The following SHANK2 variants were observed in gnomAD, a reference collection of about 807,000 sequenced individuals.
SHANK2 encodes the protein SH3 and multiple ankyrin repeat domains protein 2.
SHANK2 carries 43 observed loss-of-function variants against 133.7 expected under a neutral mutation model. That is an observed-to-expected ratio of 0.32 (90% confidence interval 0.25 to 0.41). The LOEUF is 0.41. Among genes scored for constraint, SHANK2 ranks in the 10% least tolerant of loss-of-function variants. SHANK2 has a pLI of 1.00. For synonymous variants in SHANK2, 1,017 were observed against 952.8 expected, an observed-to-expected ratio of 1.07 and a Z score of -1.24; for missense variants, 1,994 against 2,235.8, an observed-to-expected ratio of 0.89 and a Z score of 2.18.
chr11:71,067,740 C>T (rs1158135369), intron 9 of SHANK2, among the ~76,000 whole-genome samples: 1 of 152,014 alleles, frequency 6.6e-6, no homozygotes, highest in African/African-American at 2.4e-5. Context: ...ATGAGACCAT[C>T]GTCACTATCA....
At chr11:70,687,593 G>T (rs1591750271) in intron 15 of SHANK2, among the ~76,000 whole-genome samples, 1 of 151,516 alleles carries the variant, frequency 6.6e-6, no homozygotes, top group Non-Finnish European at 1.5e-5. Context: ...ACAGTGTGGG[G>T]GTAGGGGGGT....
intron 6 of SHANK2, among the ~76,000 whole-genome samples, chr11:71,104,461 G>A (rs981681560): frequency 7.2e-5 from 11 of 152,166 alleles, no homozygotes; most frequent in East Asian, 1.9e-4. Flanking sequence ...ATGCGTATCC[G>A]TCCCTTATGC....
intron 17 of SHANK2, chr11:70,633,707 G>A (rs919996195): frequency 6.6e-6 from 1 of 152,212 alleles, no homozygotes; most frequent in African/African-American, 2.4e-5. Flanking sequence ...AGGCCCCTGG[G>A]TGACCAGCCG....
intron 6 of SHANK2, among the ~76,000 whole-genome samples, chr11:71,095,496 A>G (rs927640807): frequency 6.6e-6 from 1 of 152,172 alleles, no homozygotes; most frequent in Non-Finnish European, 1.5e-5. Flanking sequence ...CGTTCCAGAA[A>G]AGTGCACAGA....
chr11:70,937,140 G>A (rs1950582838), intron 10 of SHANK2, among the ~76,000 whole-genome samples: 1 of 152,214 alleles, frequency 6.6e-6, no homozygotes, highest in Non-Finnish European at 1.5e-5. Flanking sequence ...CTAAGACGCT[G>A]TGCAGGGACC....
chr11:71,185,158 A>G (rs1953645028), intron 2 of SHANK2, among the ~76,000 whole-genome samples: 1 of 152,152 alleles, frequency 6.6e-6, no homozygotes, highest in East Asian at 1.9e-4. Flanking sequence ...TGCTGTCCCA[A>G]TACAATCAGC....
chr11:71,212,885 C>T (rs1482636089), intron 2 of SHANK2, among the ~76,000 whole-genome samples: 4 of 150,624 alleles, frequency 2.7e-5, no homozygotes, highest in Admixed American at 2.0e-4. Flanking sequence ...GAGCAGGGAC[C>T]CCAGGCGGAG....
intron 1 of SHANK2, among the ~76,000 whole-genome samples, chr11:71,231,237 C>T (rs1422369206): frequency 1.3e-5 from 2 of 152,212 alleles, no homozygotes; most frequent in Non-Finnish European, 2.9e-5. Context: ...AAAAAAATGA[C>T]AATCCACTTA....
At chr11:70,637,537 C>G (rs536637) in intron 17 of SHANK2, among the ~76,000 whole-genome samples, 62,957 of 151,810 alleles carry the variant, frequency 0.41, 13,539 homozygotes, top group Middle Eastern at 0.49. Context: ...CCATGATAGG[C>G]AGCTCCTCAG....
Position 71,145,305 on chromosome 11 carries a change from GA to G in SHANK2, c.207+1814del, listed in dbSNP as rs368999155. The stretch of plus-strand genomic sequence containing the variant: ...CTAAAGAGAGATAATGAGCTAAAAA[GA>G]AAAAAAAAGTTGCATAAAAACCCCT... On this transcript the variant is annotated intron_variant, in intron 3 of 25. Coordinates refer to ENST00000601538, the MANE Select transcript of SHANK2 (RefSeq NM_012309.5). Among the ~76,000 whole-genome samples the G allele has an allele frequency of 8.0e-3, 1,217 of 151,570 alleles. 20 individuals carry two copies. Among genetic ancestry groups the G allele is most frequent in the African/African-American group, 0.028 (1,160 of 41,364 alleles).
intron 17 of SHANK2, among the ~76,000 whole-genome samples, chr11:70,651,335 C>A (rs531718954): frequency 6.6e-6 from 1 of 152,320 alleles, no homozygotes; most frequent in South Asian, 2.1e-4. Context: ...CCGCATCCAC[C>A]TTCTCAGCAA....
At chr11:71,143,290 T>C (rs1348005261) in intron 3 of SHANK2, among the ~76,000 whole-genome samples, 1 of 152,166 alleles carries the variant, frequency 6.6e-6, no homozygotes, top group Non-Finnish European at 1.5e-5. Flanking sequence ...GTTTTCAAGC[T>C]GGAGGGAACA....
intron 11 of SHANK2, among the ~76,000 whole-genome samples, chr11:70,870,782 C>CATTT (rs1224632499): frequency 6.6e-6 from 1 of 152,246 alleles, no homozygotes; most frequent in East Asian, 1.9e-4. Context: ...TTCATTCATT[C>CATTT]ATTTATTTAT....
intron 10 of SHANK2, among the ~76,000 whole-genome samples, chr11:70,946,171 C>T (rs1950727121): frequency 1.3e-5 from 2 of 150,868 alleles, no homozygotes; most frequent in Middle Eastern, 3.5e-3. Context: ...TCCCTCTCCA[C>T]TAACCAACCC....
chr11:70,592,880 G>T (rs2060344437), intron 17 of SHANK2, among the ~76,000 whole-genome samples: 1 of 152,206 alleles, frequency 6.6e-6, no homozygotes, highest in Non-Finnish European at 1.5e-5. Flanking sequence ...CACCTCGCCT[G>T]GGGTAGCACT....
At chr11:71,164,132 G>C (rs1237128897) in intron 2 of SHANK2, among the ~76,000 whole-genome samples, 1 of 152,144 alleles carries the variant, frequency 6.6e-6, no homozygotes, top group Non-Finnish European at 1.5e-5. Flanking sequence ...AGTTGACTTG[G>C]GTCCATCTGG....
intron 17 of SHANK2, among the ~76,000 whole-genome samples, chr11:70,582,937 T>A (rs2136230734): frequency 1.3e-5 from 2 of 152,252 alleles, no homozygotes; most frequent in Admixed American, 1.3e-4. Context: ...GCCCCAGGAA[T>A]CACTGGCAGG....
At chr11:70,661,823 G>A (rs1008475042) in intron 15 of SHANK2, 145 bp from the exon 16 acceptor site, 2 of 1,609,630 alleles carry the variant, frequency 1.2e-6, no homozygotes, top group African/African-American at 2.7e-5. Flanking sequence ...AAAGGAGGCA[G>A]CGAGGGTGCA....
chr11:70,691,106 T>A (rs1555020922), intron 15 of SHANK2, among the ~76,000 whole-genome samples: 1 of 152,014 alleles, frequency 6.6e-6, no homozygotes, highest in African/African-American at 2.4e-5. Flanking sequence ...AGTACTTGGA[T>A]GAAAATTTAT....
Sources: allele counts gnomAD v4.1 joint callset (sites outside exome capture counted in the v4.1 genomes callset), GRCh38; gene constraint gnomAD v4.1.1; transcripts MANE v1.5; gene names NCBI Gene and HGNC (gene_info 2026-07-23, HGNC 2026-07-21).